DNAJC8: variants seen among roughly 807,000 people sequenced by gnomAD.
DNAJC8 encodes the protein dnaJ homolog subfamily C member 8.
DNAJC8 carries 24 observed loss-of-function variants against 43.2 expected under a neutral mutation model. The observed-to-expected ratio is 0.56, with a 90% confidence interval of 0.40 to 0.78. The LOEUF (loss-of-function observed/expected upper bound fraction) is 0.78, where lower values mean the gene tolerates loss of function less well. Ranked by LOEUF, DNAJC8 falls within the 30% of genes least tolerant of loss-of-function variation. The pLI is 0.00. For synonymous variants in DNAJC8, 83 were observed against 98.0 expected (o/e 0.85, Z 0.90); for missense variants, 207 against 299.4 (o/e 0.69, Z 2.28).
rs1483964894 is a variant in DNAJC8 at position 28,228,999 on chromosome 1, A to T, written c.103T>A (p.Ser35Thr). Residue 35 changes from serine to threonine, a missense_variant, in exon 2 of 9, where the codon TCG (serine) becomes ACG (threonine). Physicochemically the swap from Ser to Thr is moderately conservative, Grantham distance 58 (BLOSUM62 1). Coordinates refer to ENST00000263697, the MANE Select transcript of DNAJC8 (RefSeq NM_014280.3). ...SEVKQIEKRD[S>T]VLTSKNQIER... The stretch of plus-strand genomic sequence containing the variant: ...ATCTGATTTTTCGAAGTTAGAACCG[A>T]GTCTCTCTTCTCTATTTGTTTCACC... The T allele has an allele frequency of 2.5e-6, 4 of 1,613,926 alleles. No homozygotes were observed. In the East Asian group the frequency reaches 8.9e-5, roughly 36 times the overall value.
chr1:28,204,988 A>G (rs1269702997), intron 7 of DNAJC8, among the ~76,000 whole-genome samples: 1 of 152,220 alleles, frequency 6.6e-6, no homozygotes, highest in East Asian at 1.9e-4. Flanking sequence ...GCACCACTGC[A>G]TTCCAGCCTG....
At chr1:28,230,917 C>T (rs999927642) in intron 1 of DNAJC8, among the ~76,000 whole-genome samples, 7 of 152,254 alleles carry the variant, frequency 4.6e-5, no homozygotes, top group African/African-American at 1.7e-4. Context: ...GAATAGCTCA[C>T]AGCCTGCTGG....
At chr1:28,212,168 A>AATAAATATATATATAT (rs35950985) in intron 3 of DNAJC8, among the ~76,000 whole-genome samples, 46 of 30,944 alleles carry the variant, frequency 1.5e-3, no homozygotes, top group Non-Finnish European at 2.1e-3. Context: ...TAAATAAATA[A>AATAAATATATATATAT]ATATATATAT....
intron 2 of DNAJC8, 75 bp from the exon 3 acceptor site, chr1:28,215,071 T>C: frequency 8.1e-7 from 1 of 1,239,014 alleles, no homozygotes; most frequent in South Asian, 1.4e-5. Context: ...GCTCAGTAAT[T>C]ATATATATTA....
chr1:28,215,524 T>G (rs189950220), intron 2 of DNAJC8, among the ~76,000 whole-genome samples: 69 of 151,692 alleles, frequency 4.5e-4, no homozygotes, highest in African/African-American at 1.6e-3. Context: ...GTAGGGCCAA[T>G]AGGAGGAACA....
rs757585832 is a variant in DNAJC8, at chr1:28,208,404, G to A, written c.409C>T (p.Arg137Ter). The A allele has an allele frequency of 3.1e-6, 5 of 1,608,456 alleles. No homozygotes were observed. Among genetic ancestry groups the A allele is most frequent in the African/African-American group, 1.3e-5 (1 of 74,154 alleles). The change falls in exon 6 of 9, where the codon CGA (arginine) becomes TGA (stop). Residue 137 changes from arginine to a stop codon, truncating the protein, a stop_gained. Transcript: ENST00000263697. LOFTEE classifies it high-confidence loss of function. ...KEYVEHTVKERKKQLKKEGKP... is the reference protein window; with the variant it reads ...KEYVEHTVKE ...CCTTCCTTCTTTAATTGTTTTTTTC[G>A]CTCTTTCACCTAAAAAGAATTTTTT...
intron 2 of DNAJC8, among the ~76,000 whole-genome samples, chr1:28,219,533 A>G (rs1462504952): frequency 1.3e-5 from 2 of 152,146 alleles, no homozygotes; most frequent in African/African-American, 2.4e-5. Flanking sequence ...TTAAACTAAA[A>G]TAGCTATAAA....
rs1414269953 is a variant in DNAJC8, at chr1:28,214,928, A to C, written c.237+12T>G. ...ATTTTCAAAAAGTTCAAACAGGGAA[A>C]TAGTACTGTACCTGCCGAAACCTCT... On this transcript the variant is annotated intron_variant, in intron 3 of 8. Coordinates refer to ENST00000263697, the MANE Select transcript of DNAJC8 (RefSeq NM_014280.3). 1 of 1,592,260 alleles carries C rather than the reference A, an allele frequency of 6.3e-7. No individual in the cohort carries two copies. Among genetic ancestry groups the C allele is most frequent in the Non-Finnish European group, 8.6e-7 (1 of 1,168,316 alleles).
intron 2 of DNAJC8, among the ~76,000 whole-genome samples, chr1:28,226,083 GTGT>G (rs1208655671): frequency 6.6e-6 from 1 of 151,196 alleles, no homozygotes; most frequent in Non-Finnish European, 1.5e-5. Context: ...TGCCCAATAA[GTGT>G]TGTTTCTATT....
intron 3 of DNAJC8, 96 bp from the exon 4 acceptor site, chr1:28,210,733 A>T (rs907930733): frequency 1.1e-6 from 1 of 878,858 alleles, no homozygotes; most frequent in Non-Finnish European, 1.8e-6. Context: ...CTAAGGTCCT[A>T]CGGCAAAAAG....
chr1:28,210,037 C>T lies in DNAJC8; in HGVS notation c.334G>A (p.Asp112Asn). 6.2e-7 allele frequency: 1 copy of T among 1,614,084 alleles called. No homozygotes were observed. Among genetic ancestry groups the T allele is most frequent in the Non-Finnish European group, 8.5e-7 (1 of 1,179,960 alleles). ...AVDKAYKLLLDQEQKKRALDV... is the reference protein window; with the variant it reads ...AVDKAYKLLLNQEQKKRALDV... ...AGGGCCCTCTTCTTTTGCTCCTGAT[C>T]CAGTAGCAACTTGTAAGCTTTGTCC... The change falls in exon 5 of 9, where the codon GAT (aspartate) becomes AAT (asparagine). Residue 112 changes from aspartate (D) to asparagine (N), a missense_variant. Physicochemically the swap from Asp to Asn is conservative, Grantham distance 23 (BLOSUM62 1). Transcript: ENST00000263697.
At chr1:28,203,856 ATACT>A in intron 7 of DNAJC8, 34 bp from the exon 8 acceptor site, 1 of 1,603,168 alleles carries the variant, frequency 6.2e-7, no homozygotes, top group Non-Finnish European at 8.5e-7. Context: ...TATTTATATG[ATACT>A]TACAGACTGA....
In DNAJC8 at chr1:28,209,983, C is replaced by A; in HGVS notation, c.388G>T (p.Val130Leu). ...CTATAAATACTTACAGTGTGTTCCA[C>A]GTATTCTTTTCCTGCCTGAATTACA... is the stretch of plus-strand genomic sequence containing the variant. ...LDVIQAGKEYVEHTVKERKKQ... is the reference protein window; with the variant it reads ...LDVIQAGKEYLEHTVKERKKQ... The change falls in exon 5 of 9, where the codon GTG (valine) becomes TTG (leucine). Residue 130 changes from valine (V) to leucine (L), a missense_variant. Val to Leu is a conservative substitution (Grantham distance 32, BLOSUM62 1). Around this residue, in one of 2 missense-constraint regions of DNAJC8, gnomAD observed 159 missense variants for 267.5 expected, o/e 0.59. Coordinates refer to ENST00000263697, the MANE Select transcript of DNAJC8 (RefSeq NM_014280.3). 1 of 1,613,852 alleles carries A rather than the reference C, an allele frequency of 6.2e-7. No individual in the cohort carries two copies. Among genetic ancestry groups the A allele is most frequent in the Non-Finnish European group, 8.5e-7 (1 of 1,179,786 alleles).
At chr1:28,216,709 T>C (rs1451216707) in intron 2 of DNAJC8, among the ~76,000 whole-genome samples, 2 of 152,042 alleles carry the variant, frequency 1.3e-5, no homozygotes, top group East Asian at 1.9e-4. Context: ...GCATGTGGAC[T>C]GTATGCTGGA....
chr1:28,201,549 GA>G, intron 8 of DNAJC8, among the ~76,000 whole-genome samples, 179 bp from the exon 9 acceptor site: 1 of 152,272 alleles, frequency 6.6e-6, no homozygotes, highest in African/African-American at 2.4e-5. Flanking sequence ...AGCACTTCGG[GA>G]GGCCGAGGCG....
rs776268645 is a variant in DNAJC8, at chr1:28,214,931, G to T, written c.237+9C>A. ...TTCAAAAAGTTCAAACAGGGAAATA[G>T]TACTGTACCTGCCGAAACCTCTTTT... is the stretch of plus-strand genomic sequence containing the variant. On this transcript the variant is annotated intron_variant, in intron 3 of 8. Transcript: ENST00000263697. The T allele has an allele frequency of 5.6e-6, 9 of 1,604,988 alleles. No homozygotes were observed. In the East Asian group the frequency reaches 1.8e-4, roughly 32 times the overall value.
chr1:28,203,843 T>C (rs1646752423), intron 7 of DNAJC8, 21 bp from the exon 8 acceptor site: 3 of 1,612,022 alleles, frequency 1.9e-6, no homozygotes, highest in Non-Finnish European at 2.5e-6. Context: ...AACCAGATCA[T>C]AGTATTTATA....
In DNAJC8 at chr1:28,211,588, C is replaced by T. The variant is rs528507119; in HGVS notation, c.238-951G>A. 1.3e-4 allele frequency among the ~76,000 whole-genome samples: 20 copies of T among 152,268 alleles called. No homozygotes were observed. In the South Asian group the frequency reaches 4.1e-3, roughly 32 times the overall value. On this transcript the variant is annotated intron_variant, in intron 3 of 8. Transcript: ENST00000263697. Reference sequence around the variant, plus strand: ...AAAGCAGTTTCTCATTCTGCCTGTGCTCCAACCCTGTGAAGCTTCTGAAAA... The same window carrying T: ...AAAGCAGTTTCTCATTCTGCCTGTGTTCCAACCCTGTGAAGCTTCTGAAAA...
chr1:28,205,131 A>G (rs1646760072), intron 7 of DNAJC8, 127 bp downstream of exon 7: 2 of 686,488 alleles, frequency 2.9e-6, no homozygotes, highest in Admixed American at 3.3e-5. Flanking sequence ...GACTGTTTTT[A>G]GGTAACTATT....
Sources: allele counts gnomAD v4.1 joint callset (sites outside exome capture counted in the v4.1 genomes callset), GRCh38; gene constraint gnomAD v4.1.1; regional missense constraint gnomAD v4.1.1; transcripts MANE v1.5; gene names NCBI Gene and HGNC (gene_info 2026-07-23, HGNC 2026-07-21).